Variants in IL1RAPL1 observed in about 807,000 individuals in gnomAD.
IL1RAPL1 encodes the protein interleukin 1 receptor accessory protein like 1, also known as interleukin-1 receptor accessory protein-like 1.
In IL1RAPL1, 3 loss-of-function variants were observed where a neutral mutation model predicts 48.4. The ratio of observed to expected loss-of-function variants is 0.06; its 90% CI spans 0.03 to 0.16. The LOEUF is 0.16. IL1RAPL1 is among the 10% of genes least tolerant of loss of function. The pLI is 1.00. For missense variants in IL1RAPL1, 349 were observed against 530.6 expected, an observed-to-expected ratio of 0.66 and a Z score of 3.36; for synonymous variants, 185 against 187.7, an observed-to-expected ratio of 0.99 and a Z score of 0.12.
intron 1 of IL1RAPL1, among the ~76,000 whole-genome samples, chrX:28,679,339 A>G (rs1935032400): frequency 9.0e-6 from 1 of 111,676 alleles, no homozygotes; most frequent in African/African-American, 3.3e-5. Context: ...AGTTCCTCAT[A>G]TATTTTGGAT....
chrX:29,639,552 T>G (rs976650551), intron 5 of IL1RAPL1, among the ~76,000 whole-genome samples: 23 of 107,685 alleles, frequency 2.1e-4, no homozygotes, highest in East Asian at 1.2e-3. Context: ...AAAGTTTTTT[T>G]TTTTTTTTTT....
intron 1 of IL1RAPL1, among the ~76,000 whole-genome samples, chrX:28,774,417 A>G (rs955282129): frequency 1.8e-5 from 2 of 111,366 alleles, no homozygotes; most frequent in Non-Finnish European, 3.8e-5. Flanking sequence ...GCTGCAGTCA[A>G]TGTATTGGAT....
intron 6 of IL1RAPL1, among the ~76,000 whole-genome samples, chrX:29,772,705 G>A (rs1929098263): frequency 8.9e-6 from 1 of 112,050 alleles, no homozygotes; most frequent in Admixed American, 9.5e-5. Context: ...AGCAGAGGGT[G>A]GAAAGGAATC....
intron 5 of IL1RAPL1, among the ~76,000 whole-genome samples, chrX:29,651,756 A>G (rs1305148444): frequency 8.9e-6 from 1 of 111,871 alleles, no homozygotes; most frequent in Non-Finnish European, 1.9e-5. Context: ...TGACAAATGC[A>G]GAGACTGGAT....
intron 5 of IL1RAPL1, among the ~76,000 whole-genome samples, chrX:29,475,918 C>A (rs189205966): frequency 5.1e-4 from 56 of 108,950 alleles, no homozygotes; most frequent in Non-Finnish European, 8.8e-4. Context: ...GAGAAGTTTT[C>A]TTTTGGAAAC....
At chrX:28,995,051 A>G (rs1157737290) in intron 2 of IL1RAPL1, among the ~76,000 whole-genome samples, 1 of 111,302 alleles carries the variant, frequency 9.0e-6, no homozygotes, top group African/African-American at 3.3e-5. Context: ...ACTACTAAAC[A>G]CTGTAAATAA....
intron 1 of IL1RAPL1, among the ~76,000 whole-genome samples, chrX:28,736,302 C>T (rs978787205): frequency 6.4e-5 from 7 of 109,819 alleles, no homozygotes; most frequent in African/African-American, 2.0e-4. Context: ...GGCGTGGTGG[C>T]GGGCACCTGT....
intron 5 of IL1RAPL1, among the ~76,000 whole-genome samples, chrX:29,480,030 G>A (rs1452892630): frequency 9.2e-6 from 1 of 108,159 alleles, no homozygotes; most frequent in Non-Finnish European, 1.9e-5. Context: ...CCTTTGGGTA[G>A]ACACTTTTAC....
chrX:29,574,563 A>T (rs749609548), intron 5 of IL1RAPL1, among the ~76,000 whole-genome samples: 1 of 110,942 alleles, frequency 9.0e-6, no homozygotes, highest in East Asian at 2.9e-4. Flanking sequence ...ATAAAAAACA[A>T]GTTAGTTAAT....
At chrX:28,843,841 T>A (rs1473459897) in intron 2 of IL1RAPL1, among the ~76,000 whole-genome samples, 1 of 110,955 alleles carries the variant, frequency 9.0e-6, no homozygotes, top group Non-Finnish European at 1.9e-5. Context: ...GAGCAGTGCG[T>A]TTGTAAGGCA....
chrX:29,777,820 T>A (rs945949840), intron 6 of IL1RAPL1, among the ~76,000 whole-genome samples: 1 of 110,948 alleles, frequency 9.0e-6, no homozygotes, highest in Non-Finnish European at 1.9e-5. Context: ...GTATTGTTAA[T>A]TTTAATCTTT....
At position 28,779,634 on chromosome X, in the gene IL1RAPL1, G is replaced by GTATATATATATA. The variant is rs1183080798; in HGVS notation, c.-24-9653_-24-9642dup. Among the ~76,000 whole-genome samples, 13 of 38,316 alleles carry GTATATATATATA rather than the reference G, an allele frequency of 3.4e-4. 1 individual carries two copies. Among genetic ancestry groups the GTATATATATATA allele is most frequent in the East Asian group, 1.0e-3 (1 of 982 alleles). The allele number at this position is 38,316 out of a possible 115,157, so 33.3% of individuals were successfully genotyped here. On this transcript the variant is annotated intron_variant, in intron 1 of 10. Transcript: ENST00000378993. ...GATACTATTATGTGTGTGTGTGTGT[G>GTATATATATATA]TATATATATATATATATATATATAT...
At chrX:29,763,275 T>C (rs1417291492) in intron 6 of IL1RAPL1, among the ~76,000 whole-genome samples, 1 of 111,483 alleles carries the variant, frequency 9.0e-6, no homozygotes, top group Non-Finnish European at 1.9e-5. Context: ...TTATAAATTA[T>C]GCAAGTAATA....
At chrX:28,810,705 A>C (rs1195552908) in intron 2 of IL1RAPL1, among the ~76,000 whole-genome samples, 3 of 110,622 alleles carry the variant, frequency 2.7e-5, no homozygotes, top group African/African-American at 9.8e-5. Flanking sequence ...GGAAAAGCAA[A>C]AAGAACAGAA....
chrX:29,912,065 G>GT (rs754402131), intron 6 of IL1RAPL1, among the ~76,000 whole-genome samples: 58 of 111,999 alleles, frequency 5.2e-4, no homozygotes, highest in African/African-American at 1.8e-3. Flanking sequence ...TATTATTTTT[G>GT]TTTTTAATTT....
At chrX:29,527,816 A>G (rs1291806407) in intron 5 of IL1RAPL1, among the ~76,000 whole-genome samples, 1 of 112,368 alleles carries the variant, frequency 8.9e-6, no homozygotes, top group Non-Finnish European at 1.9e-5. Flanking sequence ...TTAAAAATTA[A>G]GTGGGAACAC....
rs1359635280 is a variant in IL1RAPL1 at position 29,217,771 on chromosome X, TCTCTCTCACACA to T, written c.83-65165_83-65154del. 4.7e-4 allele frequency among the ~76,000 whole-genome samples: 35 copies of T among 74,943 alleles called. 1 individual carries two copies. Among genetic ancestry groups the T allele is most frequent in the African/African-American group, 1.9e-3 (25 of 13,003 alleles). The allele number at this position is 74,943 out of a possible 115,157, so 65.1% of individuals were successfully genotyped here. A position where few individuals can be genotyped will look rare whatever the true frequency, so the allele number is the denominator to read the frequency against. The stretch of plus-strand genomic sequence containing the variant: ...TATACATTTTTTCTCTCTCTCTCTC[TCTCTCTCACACA>T]CACACACACACACACACACACACAC... On this transcript the variant is annotated intron_variant, in intron 2 of 10. Coordinates refer to ENST00000378993, the MANE Select transcript of IL1RAPL1 (RefSeq NM_014271.4).
At chrX:29,788,428 G>A (rs1929554121) in intron 6 of IL1RAPL1, among the ~76,000 whole-genome samples, 1 of 111,620 alleles carries the variant, frequency 9.0e-6, no homozygotes, top group African/African-American at 3.3e-5. Context: ...ATTCATCAAG[G>A]TCATGAAGCA....
At chrX:29,929,942 T>C (rs1211062927) in intron 8 of IL1RAPL1, among the ~76,000 whole-genome samples, 1 of 111,875 alleles carries the variant, frequency 8.9e-6, no homozygotes, top group Non-Finnish European at 1.9e-5. Flanking sequence ...AAGAAATACA[T>C]TAAAGATACC....
Sources: allele counts gnomAD v4.1 joint callset (sites outside exome capture counted in the v4.1 genomes callset), GRCh38; gene constraint gnomAD v4.1.1; transcripts MANE v1.5; gene names NCBI Gene and HGNC (gene_info 2026-07-23, HGNC 2026-07-21).